Variants in PDE7B observed in about 807,000 individuals in gnomAD.
The protein encoded by PDE7B is 3',5'-cyclic-AMP phosphodiesterase 7B.
Under a neutral mutation model 56.2 loss-of-function variants are expected in PDE7B, and 29 were observed. The observed-to-expected ratio is 0.52, with a 90% CI of 0.38 to 0.70. The LOEUF (loss-of-function observed/expected upper bound fraction) is 0.70, where lower values mean the gene tolerates loss of function less well. Ranked by LOEUF, PDE7B falls within the 30% of genes least tolerant of loss-of-function variation. The probability of loss-of-function intolerance (pLI) is 0.00; values close to 1 mark genes in which losing one functional copy is unlikely to be tolerated. For missense variants in PDE7B, 490 were observed against 565.0 expected (o/e 0.87, Z 1.35); for synonymous variants, 197 against 196.9 (o/e 1.00, Z 0.00).
intron 3 of PDE7B, among the ~76,000 whole-genome samples, chr6:136,113,138 A>T (rs1207611874): frequency 1.3e-5 from 2 of 152,224 alleles, no homozygotes; most frequent in African/African-American, 4.8e-5. Flanking sequence ...AATTGCTAAC[A>T]GAGTAGGTTT....
intron 3 of PDE7B, among the ~76,000 whole-genome samples, chr6:136,110,310 C>G (rs1448751776): frequency 6.6e-6 from 1 of 152,102 alleles, no homozygotes; most frequent in Non-Finnish European, 1.5e-5. Flanking sequence ...ATGGGCTGTT[C>G]CAGCTACCCA....
At chr6:136,076,747 T>C (rs1384117255) in intron 2 of PDE7B, among the ~76,000 whole-genome samples, 1 of 152,034 alleles carries the variant, frequency 6.6e-6, no homozygotes, top group African/African-American at 2.4e-5. Context: ...AATAATGCAC[T>C]CCATAATGTT....
At chr6:135,920,426 C>T (rs1774051636) in intron 1 of PDE7B, among the ~76,000 whole-genome samples, 1 of 151,996 alleles carries the variant, frequency 6.6e-6, no homozygotes, top group Non-Finnish European at 1.5e-5. Context: ...TTCTTTGATC[C>T]TAGTTTTCAA....
At chr6:135,889,667 C>T (rs1775774114) in intron 1 of PDE7B, among the ~76,000 whole-genome samples, 1 of 146,274 alleles carries the variant, frequency 6.8e-6, no homozygotes, top group Non-Finnish European at 1.5e-5. Flanking sequence ...TCTCGAACTC[C>T]TGACCTCAGG....
intron 6 of PDE7B, among the ~76,000 whole-genome samples, chr6:136,153,576 C>T (rs1778559282): frequency 6.6e-6 from 1 of 152,156 alleles, no homozygotes; most frequent in African/African-American, 2.4e-5. Context: ...TACCCTGAAT[C>T]TCTGCCCTAA....
intron 1 of PDE7B, among the ~76,000 whole-genome samples, chr6:135,935,117 T>G (rs1211673608): frequency 1.3e-4 from 12 of 95,054 alleles, no homozygotes; most frequent in African/African-American, 5.4e-4. Context: ...ATATTTTATA[T>G]AGAGAGAGAT....
At chr6:135,942,484 G>A (rs1244055058) in intron 1 of PDE7B, among the ~76,000 whole-genome samples, 8 of 152,180 alleles carry the variant, frequency 5.3e-5, no homozygotes, top group Middle Eastern at 3.4e-3. Context: ...CATACTTAAT[G>A]TTTTGTGGTG....
At chr6:136,048,366 A>C (rs1041385487) in intron 2 of PDE7B, among the ~76,000 whole-genome samples, 1 of 152,126 alleles carries the variant, frequency 6.6e-6, no homozygotes, top group African/African-American at 2.4e-5. Flanking sequence ...TCTACTAAAA[A>C]TACAAAAATT....
In PDE7B at chr6:135,856,362, G is replaced by A. The variant is rs540251467; in HGVS notation, c.21+4343G>A. On this transcript the variant is annotated intron_variant, in intron 1 of 12. Coordinates refer to ENST00000308191, the MANE Select transcript of PDE7B (RefSeq NM_018945.4). Reference sequence around the variant, plus strand: ...GAAACTTTAATATTACAAGACAAACGTCTTTTTCCTAAATGCCAATCACTG... The same window carrying A: ...GAAACTTTAATATTACAAGACAAACATCTTTTTCCTAAATGCCAATCACTG... 7.2e-5 allele frequency among the ~76,000 whole-genome samples: 11 copies of A among 152,242 alleles called. No homozygotes were observed. The East Asian group carries it at 7.7e-4, about 11-fold the overall frequency.
intron 2 of PDE7B, chr6:136,045,075 C>G (rs1012041582): frequency 2.0e-5 from 3 of 149,650 alleles, no homozygotes; most frequent in African/African-American, 7.4e-5. Context: ...TTTTAACTCA[C>G]GAAAGTAACT....
chr6:136,124,986 T>C (rs1251776216), intron 3 of PDE7B, among the ~76,000 whole-genome samples: 2 of 152,202 alleles, frequency 1.3e-5, no homozygotes, highest in African/African-American at 4.8e-5. Context: ...AAACAAATAT[T>C]TAAAGTACAA....
chr6:135,942,510 T>C (rs1001003248), intron 1 of PDE7B, among the ~76,000 whole-genome samples: 1 of 152,162 alleles, frequency 6.6e-6, no homozygotes, highest in African/African-American at 2.4e-5. Flanking sequence ...ACCTAAAATC[T>C]ACTCTCTTAG....
intron 2 of PDE7B, among the ~76,000 whole-genome samples, chr6:136,088,003 T>C (rs1253150614): frequency 2.6e-5 from 4 of 152,168 alleles, no homozygotes; most frequent in Non-Finnish European, 5.9e-5. Context: ...CTAAATCACG[T>C]AAGGAAGAGT....
chr6:136,104,761 C>T (rs1777620790), intron 2 of PDE7B, among the ~76,000 whole-genome samples: 2 of 152,124 alleles, frequency 1.3e-5, no homozygotes, highest in Non-Finnish European at 2.9e-5. Context: ...TTACAATTGT[C>T]CTGCCTCCTG....
chr6:136,061,741 G>C (rs1417411782), intron 2 of PDE7B, among the ~76,000 whole-genome samples: 1 of 152,198 alleles, frequency 6.6e-6, no homozygotes, highest in Non-Finnish European at 1.5e-5. Context: ...GTAGGGCAGT[G>C]ACAGTTCGAA....
At chr6:135,865,657 G>GGAGA (rs138434061) in intron 1 of PDE7B, among the ~76,000 whole-genome samples, 1 of 146,736 alleles carries the variant, frequency 6.8e-6, no homozygotes, top group Non-Finnish European at 1.5e-5. Flanking sequence ...GTGTATGTGT[G>GGAGA]GAGAGAGAGA....
chr6:135,856,083 ACT>A (rs2128183500), intron 1 of PDE7B, among the ~76,000 whole-genome samples: 2 of 151,828 alleles, frequency 1.3e-5, no homozygotes, highest in African/African-American at 4.8e-5. Flanking sequence ...TATTTCCACT[ACT>A]CTCTGTGTAG....
intron 3 of PDE7B, among the ~76,000 whole-genome samples, chr6:136,133,272 CAA>C (rs776299522): frequency 1.5e-5 from 2 of 134,064 alleles, no homozygotes. Context: ...AAGGGGCTGC[CAA>C]AAAAAAAAAG....
At position 136,192,902 on chromosome 6, in the gene PDE7B, GC is replaced by G. The variant is rs1779253045; in HGVS notation, c.*1063del. 1 of 152,184 alleles carries G rather than the reference GC, an allele frequency of 6.6e-6. No homozygotes were observed. The highest frequency in any genetic ancestry group is 1.5e-5 in the Non-Finnish European group (1 of 68,014). The allele number at this position is 152,184 out of a possible 1,614,324, so 9.4% of individuals were successfully genotyped here. ...CCCATGTTCATCTGTATGTTTTCCAGCTAAGGTCACAAACCAAAACTGAATA... is the reference window on the plus strand; with the variant it reads ...CCCATGTTCATCTGTATGTTTTCCAGTAAGGTCACAAACCAAAACTGAATA... On this transcript the variant is annotated 3_prime_UTR_variant, in exon 13 of 13. Transcript: ENST00000308191.
Sources: gnomAD v4.1 joint callset for allele counts (sites outside exome capture counted in the v4.1 genomes callset) on GRCh38, gnomAD v4.1.1 for gene constraint, MANE v1.5 for transcripts, NCBI Gene and HGNC (gene_info 2026-07-23, HGNC 2026-07-21) for gene names.